The following TTC27 variants were observed in gnomAD, a reference collection of about 807,000 sequenced individuals.
TTC27 encodes tetratricopeptide repeat protein 27.
A neutral mutation model predicts 115.9 loss-of-function variants in TTC27; 79 were observed. The ratio of observed to expected loss-of-function variants is 0.68; its 90% CI spans 0.57 to 0.82. The LOEUF (loss-of-function observed/expected upper bound fraction) is 0.82, where lower values mean the gene tolerates loss of function less well. Among genes scored for constraint, TTC27 ranks in the 40% least tolerant of loss-of-function variants. The probability of loss-of-function intolerance (pLI) is 0.00; values close to 1 mark genes in which losing one functional copy is unlikely to be tolerated. For synonymous variants in TTC27, 401 were observed against 356.0 expected, an observed-to-expected ratio of 1.13 and a Z score of -1.42; for missense variants, 1,054 against 993.1, an observed-to-expected ratio of 1.06 and a Z score of -0.82.
intron 10 of TTC27, among the ~76,000 whole-genome samples, chr2:32,708,414 C>T (rs577513888): frequency 4.7e-5 from 7 of 148,008 alleles, no homozygotes; most frequent in Admixed American, 2.0e-4. Flanking sequence ...TGGGTTCAAG[C>T]GATTCTCTTG....
intron 12 of TTC27, among the ~76,000 whole-genome samples, chr2:32,755,078 G>A (rs1458706317): frequency 6.6e-6 from 1 of 152,116 alleles, no homozygotes; most frequent in African/African-American, 2.4e-5. Flanking sequence ...GCCGGGCAGA[G>A]ACGCTCCTCA....
chr2:32,642,414 G>A (rs960915721), intron 4 of TTC27, among the ~76,000 whole-genome samples: 5 of 151,656 alleles, frequency 3.3e-5, no homozygotes, highest in Admixed American at 6.6e-5. Context: ...ACCACGTTTG[G>A]CTAATTTTTT....
intron 9 of TTC27, among the ~76,000 whole-genome samples, chr2:32,689,181 G>T (rs1002511038): frequency 2.0e-5 from 3 of 152,084 alleles, no homozygotes; most frequent in Non-Finnish European, 1.5e-5. Flanking sequence ...ATCACAGATT[G>T]ATTACAAAAT....
intron 12 of TTC27, among the ~76,000 whole-genome samples, chr2:32,751,402 G>A (rs924476874): frequency 6.6e-6 from 1 of 152,110 alleles, no homozygotes; most frequent in Non-Finnish European, 1.5e-5. Context: ...AGAAGAGTAT[G>A]TACGCTTCAG....
At chr2:32,801,697 A>G (rs1400983782) in intron 16 of TTC27, among the ~76,000 whole-genome samples, 2 of 152,156 alleles carry the variant, frequency 1.3e-5, no homozygotes, top group Non-Finnish European at 2.9e-5. Flanking sequence ...AGTAGATCCA[A>G]TACCTCACTG....
chr2:32,700,795 C>T (rs992422456), intron 9 of TTC27, among the ~76,000 whole-genome samples: 1 of 152,178 alleles, frequency 6.6e-6, no homozygotes, highest in Non-Finnish European at 1.5e-5. Context: ...CCGCGTCAGC[C>T]TCCCAAAGTG....
chr2:32,782,497 A>C, intron 14 of TTC27, 129 bp from the exon 15 acceptor site: 1 of 598,554 alleles, frequency 1.7e-6, no homozygotes, highest in Non-Finnish European at 2.8e-6. Context: ...ACCTTTAAAC[A>C]CACTCTTATT....
At chr2:32,703,953 G>A (rs1054589085) in intron 10 of TTC27, among the ~76,000 whole-genome samples, 8 of 152,298 alleles carry the variant, frequency 5.3e-5, no homozygotes, top group African/African-American at 1.9e-4. Flanking sequence ...AAGCCTCATT[G>A]TTCATGGATG....
intron 16 of TTC27, among the ~76,000 whole-genome samples, chr2:32,789,941 AAAAAAGAG>A (rs1255302209): frequency 2.0e-5 from 3 of 146,820 alleles, no homozygotes; most frequent in Non-Finnish European, 4.5e-5. Context: ...AAAAAAAAAA[AAAAAAGAG>A]AAGTCTTTCA....
intron 9 of TTC27, among the ~76,000 whole-genome samples, chr2:32,692,696 G>T (rs1429147541): frequency 6.6e-6 from 1 of 152,078 alleles, no homozygotes; most frequent in Non-Finnish European, 1.5e-5. Flanking sequence ...ATCTGGTGGG[G>T]CACGGTGGTT....
intron 10 of TTC27, among the ~76,000 whole-genome samples, chr2:32,706,752 C>T (rs1452447945): frequency 4.6e-5 from 7 of 152,066 alleles, no homozygotes; most frequent in African/African-American, 1.7e-4. Flanking sequence ...TTAGTAGAGA[C>T]AGGGTTTCAC....
chr2:32,771,297 GTTCTT>G (rs1243035896), intron 13 of TTC27, among the ~76,000 whole-genome samples: 3 of 152,198 alleles, frequency 2.0e-5, no homozygotes, highest in Non-Finnish European at 2.9e-5. Flanking sequence ...TTACGTAGTC[GTTCTT>G]TTCTTTTCTG....
intron 12 of TTC27, among the ~76,000 whole-genome samples, chr2:32,746,332 CG>C (rs1374104953): frequency 6.6e-6 from 1 of 151,758 alleles, no homozygotes; most frequent in African/African-American, 2.4e-5. Context: ...GAGGCCGAGA[CG>C]GGTGGATTAC....
In TTC27 at chr2:32,782,631, T is replaced by C; in HGVS notation, c.1785T>C (p.Ala595=). The C allele has an allele frequency of 6.2e-7, 1 of 1,611,978 alleles. No homozygotes were observed. Among genetic ancestry groups the C allele is most frequent in the Non-Finnish European group, 8.5e-7 (1 of 1,178,654 alleles). The part of the protein sequence containing the change: ...QRCVTLEPDN[A]EAWNNLSTSY... The stretch of plus-strand genomic sequence containing the variant: ...TGTGTTCTCTATCATTTCAGAATGC[T>C]GAAGCTTGGAACAATTTGTCAACTT... Residue 595 remains alanine (A), a synonymous_variant, in exon 15 of 20, where the codon GCT becomes GCC. Coordinates refer to ENST00000317907, the MANE Select transcript of TTC27 (RefSeq NM_017735.5).
chr2:32,667,322 T>C (rs1665818037), intron 7 of TTC27, among the ~76,000 whole-genome samples: 1 of 152,066 alleles, frequency 6.6e-6, no homozygotes, highest in Non-Finnish European at 1.5e-5. Context: ...TGACTCTTGG[T>C]CAGTTTACCT....
intron 3 of TTC27, among the ~76,000 whole-genome samples, chr2:32,639,639 G>C (rs1664564809): frequency 6.6e-6 from 1 of 152,150 alleles, no homozygotes; most frequent in Admixed American, 6.5e-5. Flanking sequence ...ATAATATTTT[G>C]TTGTAAGTGA....
chr2:32,638,352 A>G (rs1252328702), intron 3 of TTC27, among the ~76,000 whole-genome samples: 1 of 152,038 alleles, frequency 6.6e-6, no homozygotes, highest in South Asian at 2.1e-4. Flanking sequence ...ATGAACTCAC[A>G]GTTATTTCCT....
chr2:32,810,910 C>A (rs1558355924), intron 16 of TTC27, 114 bp from the exon 17 acceptor site: 6 of 1,190,734 alleles, frequency 5.0e-6, no homozygotes, highest in Non-Finnish European at 7.2e-6. Context: ...ATACTCTTAA[C>A]AAGTTTCATA....
intron 4 of TTC27, among the ~76,000 whole-genome samples, chr2:32,643,025 A>T (rs1296539034): frequency 6.6e-6 from 1 of 152,144 alleles, no homozygotes; most frequent in Non-Finnish European, 1.5e-5. Context: ...GCTGGAGTAC[A>T]GTGGTGTGAT....
Sources: gnomAD v4.1 joint callset for allele counts (sites outside exome capture counted in the v4.1 genomes callset) on GRCh38, gnomAD v4.1.1 for gene constraint, MANE v1.5 for transcripts, NCBI Gene and HGNC (gene_info 2026-07-23, HGNC 2026-07-21) for gene names.